The following CLEC16A variants were observed in gnomAD, a reference collection of about 807,000 sequenced individuals.
CLEC16A encodes C-type lectin domain containing 16A, also known as protein CLEC16A.
Under a neutral mutation model 109.5 loss-of-function variants are expected in CLEC16A, and 51 were observed. The observed-to-expected ratio is 0.47, with a 90% CI of 0.37 to 0.59. CLEC16A has a LOEUF of 0.59. Ranked by LOEUF, CLEC16A falls within the 20% of genes least tolerant of loss-of-function variation. The pLI, the probability that CLEC16A is intolerant of heterozygous loss-of-function variation, is 0.00. For synonymous variants in CLEC16A, 673 were observed against 564.2 expected (o/e 1.19, Z -2.73); for missense variants, 1,339 against 1,394.0 (o/e 0.96, Z 0.63).
intron 10 of CLEC16A, among the ~76,000 whole-genome samples, chr16:10,990,688 G>A (rs1274878863): frequency 6.6e-6 from 1 of 152,238 alleles, no homozygotes; most frequent in East Asian, 1.9e-4. Flanking sequence ...TATCTGTCCT[G>A]CAGTGTGTGA....
chr16:11,005,834 G>A (rs1478927340), intron 11 of CLEC16A, among the ~76,000 whole-genome samples: 2 of 150,888 alleles, frequency 1.3e-5, no homozygotes, highest in Non-Finnish European at 3.0e-5. Context: ...CCTAGAAGAT[G>A]CGAGATCTGA....
intron 22 of CLEC16A, among the ~76,000 whole-genome samples, chr16:11,148,979 T>TA (rs2054184179): frequency 6.6e-6 from 1 of 152,092 alleles, no homozygotes; most frequent in Non-Finnish European, 1.5e-5. Flanking sequence ...AAAAAACTAA[T>TA]AGAGTTTCCC....
chr16:11,165,329 C>CAAAA (rs35212528), intron 22 of CLEC16A, among the ~76,000 whole-genome samples: 6 of 141,986 alleles, frequency 4.2e-5, no homozygotes, highest in African/African-American at 1.5e-4. Context: ...CCATCTCTAC[C>CAAAA]AAAAAAAAAA....
At chr16:10,963,729 G>A (rs1452058422) in intron 3 of CLEC16A, among the ~76,000 whole-genome samples, 4 of 152,166 alleles carry the variant, frequency 2.6e-5, no homozygotes, top group South Asian at 4.1e-4. Context: ...ACACCCAGGC[G>A]CCAGCTCTAG....
intron 11 of CLEC16A, among the ~76,000 whole-genome samples, chr16:11,012,800 T>C (rs1182045796): frequency 1.3e-5 from 2 of 152,220 alleles, no homozygotes; most frequent in East Asian, 3.8e-4. Flanking sequence ...TCTGGTAGGC[T>C]TGTTGAATGC....
chr16:11,112,831 G>C (rs1001943540), intron 19 of CLEC16A, among the ~76,000 whole-genome samples: 2 of 152,270 alleles, frequency 1.3e-5, no homozygotes, highest in Non-Finnish European at 2.9e-5. Flanking sequence ...TCCTGGGTAA[G>C]ATGGAGACAT....
At chr16:11,156,627 C>G (rs2054533050) in intron 22 of CLEC16A, 1 of 1,304,184 alleles carries the variant, frequency 7.7e-7, no homozygotes, top group Admixed American at 2.3e-5. Context: ...CCCAAGCTTG[C>G]TAGTGCCTTG....
At chr16:11,059,884 T>C (rs1012144962) in intron 18 of CLEC16A, among the ~76,000 whole-genome samples, 6 of 152,224 alleles carry the variant, frequency 3.9e-5, no homozygotes, top group African/African-American at 1.2e-4. Context: ...GAATCTGATG[T>C]AGACCTCATG....
At chr16:11,003,363 G>A in intron 11 of CLEC16A, 58 bp downstream of exon 11, 1 of 1,436,962 alleles carries the variant, frequency 7.0e-7, no homozygotes, top group East Asian at 2.3e-5. Flanking sequence ...CCGCCAGCGA[G>A]GCTGCCACCT....
intron 22 of CLEC16A, among the ~76,000 whole-genome samples, chr16:11,139,977 A>C (rs2053747043): frequency 6.6e-6 from 1 of 152,252 alleles, no homozygotes; most frequent in African/African-American, 2.4e-5. Flanking sequence ...TCCTACTTTT[A>C]TAGCTGGGGC....
At position 10,944,608 on chromosome 16, in the gene CLEC16A, C is replaced by G. The variant is rs1378109981; in HGVS notation, c.-110C>G. ...GGGAGGAAGGCGGCTCGCGGTTCCT[C>G]CACCGCCTCCGCCGCCGCATCCTCC... On this transcript the variant is annotated 5_prime_UTR_variant, in exon 1 of 24. Transcript: ENST00000409790. 4.6e-6 allele frequency: 5 copies of G among 1,090,362 alleles called. 1 individual carries two copies. The South Asian group carries it at 7.4e-5, about 16-fold the overall frequency. 67.5% of individuals were successfully genotyped at this position (1,090,362 alleles called of 1,614,324 possible). A position where few individuals can be genotyped will look rare whatever the true frequency, so the allele number is the denominator to read the frequency against.
At chr16:10,964,432 T>C (rs1203079456) in intron 3 of CLEC16A, among the ~76,000 whole-genome samples, 2 of 152,224 alleles carry the variant, frequency 1.3e-5, no homozygotes, top group African/African-American at 4.8e-5. Context: ...ACTGGCTCCC[T>C]GCACGTGCCT....
At chr16:10,970,548 T>C (rs978014078) in intron 4 of CLEC16A, among the ~76,000 whole-genome samples, 1 of 152,226 alleles carries the variant, frequency 6.6e-6, no homozygotes, top group Non-Finnish European at 1.5e-5. Context: ...TCTGACATTA[T>C]CTGGACTCAT....
At chr16:11,047,058 C>G (rs1388911039) in intron 16 of CLEC16A, among the ~76,000 whole-genome samples, 1 of 151,862 alleles carries the variant, frequency 6.6e-6, no homozygotes, top group Non-Finnish European at 1.5e-5. Context: ...AATTCTAACT[C>G]CATATACTTA....
intron 22 of CLEC16A, among the ~76,000 whole-genome samples, chr16:11,165,192 C>T (rs1241573533): frequency 6.6e-6 from 1 of 152,000 alleles, no homozygotes; most frequent in African/African-American, 2.4e-5. Context: ...TTTGATTTAT[C>T]GTAAAGAACA....
chr16:10,950,605 G>C lies in CLEC16A; in HGVS notation c.80+5808G>C, dbSNP rs77481387. Among the ~76,000 whole-genome samples, 82 of 152,336 alleles carry C rather than the reference G, an allele frequency of 5.4e-4. 1 individual carries two copies. The highest frequency in any genetic ancestry group is 3.4e-3 in the Middle Eastern group (1 of 294). ...TGTGAACACCTTCTCTAATCCTCTA[G>C]CCTGATTCCACCCTCCGTGAAGCTT... On this transcript the variant is annotated intron_variant, in intron 1 of 23. Coordinates refer to ENST00000409790, the MANE Select transcript of CLEC16A (RefSeq NM_015226.3).
chr16:11,090,550 G>A (rs565961743), intron 19 of CLEC16A, among the ~76,000 whole-genome samples: 38 of 152,090 alleles, frequency 2.5e-4, no homozygotes, highest in Non-Finnish European at 3.2e-4. Context: ...ACATTTCTCC[G>A]CAACTCCCCG....
chr16:11,144,860 C>A (rs1233628322), intron 22 of CLEC16A, among the ~76,000 whole-genome samples: 1 of 152,144 alleles, frequency 6.6e-6, no homozygotes, highest in Non-Finnish European at 1.5e-5. Context: ...CAAAGCTTGT[C>A]ATGCCTTGGG....
chr16:11,019,218 G>A (rs754477005), intron 11 of CLEC16A, among the ~76,000 whole-genome samples: 2 of 152,174 alleles, frequency 1.3e-5, no homozygotes, highest in Non-Finnish European at 2.9e-5. Context: ...GTCCACGCCC[G>A]CACAGCCAAG....
Sources: gnomAD v4.1 joint callset for allele counts (sites outside exome capture counted in the v4.1 genomes callset) on GRCh38, gnomAD v4.1.1 for gene constraint, MANE v1.5 for transcripts, NCBI Gene and HGNC (gene_info 2026-07-23, HGNC 2026-07-21) for gene names.